Variants in RYR1 observed in about 807,000 individuals in gnomAD.
RYR1 encodes the protein central core disease of muscle.
In RYR1, 342 loss-of-function variants were observed where a neutral mutation model predicts 583.5. The observed-to-expected ratio is 0.59, with a 90% CI of 0.54 to 0.64. The LOEUF (loss-of-function observed/expected upper bound fraction) is 0.64, where lower values mean the gene tolerates loss of function less well. RYR1 is among the 30% of genes least tolerant of loss of function. RYR1 has a pLI of 0.00. For missense variants in RYR1, 6,032 were observed against 6,917.2 expected (o/e 0.87, Z 4.54); for synonymous variants, 2,791 against 2,822.5 (o/e 0.99, Z 0.35).
chr19:38,457,045 C>A (rs1187040889), intron 16 of RYR1, among the ~76,000 whole-genome samples: 3 of 19,588 alleles, frequency 1.5e-4, no homozygotes, highest in South Asian at 5.0e-3. Context: ...GACTCCATCT[C>A]CAAAAAAAAA....
In RYR1 at chr19:38,475,421, GA is replaced by G; in HGVS notation, c.4265del (p.Asp1422AlafsTer15). The G allele has an allele frequency of 6.2e-7, 1 of 1,613,860 alleles. No homozygotes were observed. The highest frequency in any genetic ancestry group is 1.1e-5 in the South Asian group (1 of 91,076). On this transcript the variant is annotated frameshift_variant, in exon 29 of 106. Coordinates refer to ENST00000359596, the MANE Select transcript of RYR1 (RefSeq NM_000540.3). LOFTEE classifies it high-confidence loss of function. Reference protein sequence around the residue: ...HDVVPADNRDDPEIILNTTTY... With the variant: ...HDVVPADNRDXPEIILNTTTY... ...CGTGGTGCCTGCAGACAACCGCGAT[GA>G]CCCCGAGATCATCCTCAACACCACC...
intron 29 of RYR1, 69 bp downstream of exon 29, chr19:38,475,519 T>C: frequency 6.3e-7 from 1 of 1,597,520 alleles, no homozygotes; most frequent in East Asian, 2.2e-5. Context: ...TTTCCAAGTT[T>C]AGTGTGACAG....
In RYR1 at chr19:38,532,532, C is replaced by G. The variant is rs111200476; in HGVS notation, c.11184C>G (p.Ile3728Met). 4 of 1,614,184 alleles carry G rather than the reference C, an allele frequency of 2.5e-6. No individual in the cohort carries two copies. The highest frequency in any genetic ancestry group is 3.4e-6 in the Non-Finnish European group (4 of 1,180,030). Residue 3728 changes from isoleucine (I) to methionine (M), a missense_variant, in exon 77 of 106, where the codon ATC (isoleucine) becomes ATG (methionine). Physicochemically the swap from Ile to Met is conservative, Grantham distance 10 (BLOSUM62 1). Coordinates refer to ENST00000359596, the MANE Select transcript of RYR1 (RefSeq NM_000540.3). The stretch of plus-strand genomic sequence containing the variant: ...ACCTGTACATGGCCTATGCTGATAT[C>G]ATGGCAAAGGTGAGGCCCTACCCCC... ...EDYLYMAYAD[I>M]MAKSCHLEEG...
chr19:38,571,990 C>T (rs1173733431), intron 94 of RYR1, 29 bp from the exon 95 acceptor site: 1 of 1,613,526 alleles, frequency 6.2e-7, no homozygotes, highest in East Asian at 2.2e-5. Flanking sequence ...TGTGGCAGAC[C>T]CACAGATGAA....
chr19:38,501,099 C>A, intron 47 of RYR1, 109 bp downstream of exon 47: 1 of 1,064,442 alleles, frequency 9.4e-7, no homozygotes, highest in Non-Finnish European at 1.4e-6. Flanking sequence ...GGATTGTGGA[C>A]ATATCATAAT....
At chr19:38,539,212 T>G (rs1972099263) in intron 84 of RYR1, among the ~76,000 whole-genome samples, 1 of 151,936 alleles carries the variant, frequency 6.6e-6, no homozygotes, top group East Asian at 1.9e-4. Context: ...ATTAAATACC[T>G]TTGTGCCATG....
Position 38,455,640 on chromosome 19 carries a change from G to A in RYR1, c.1680G>A (p.Leu560=). 4 of 1,613,378 alleles carry A rather than the reference G, an allele frequency of 2.5e-6. No individual in the cohort carries two copies. Among genetic ancestry groups the A allele is most frequent in the Non-Finnish European group, 3.4e-6 (4 of 1,179,364 alleles). ...LDRLEASSGI[L]EVLYCVLIES... is the part of the protein sequence containing the mutation. ...TTCTGGGCACCCTGGCAGGCATCCT[G>A]GAGGTCCTGTACTGTGTCCTCATTG... The change falls in exon 16 of 106, where the codon CTG becomes CTA. Residue 560 remains leucine, a synonymous_variant. Coordinates refer to ENST00000359596, the MANE Select transcript of RYR1 (RefSeq NM_000540.3).
intron 42 of RYR1, 56 bp downstream of exon 42, chr19:38,497,010 G>A (rs926214217): frequency 4.0e-5 from 59 of 1,465,312 alleles, no homozygotes; most frequent in Middle Eastern, 1.9e-4. Flanking sequence ...GCCGCTACCC[G>A]GCTGCTTGGG....
chr19:38,566,683 G>C (rs1973452582), intron 91 of RYR1, among the ~76,000 whole-genome samples: 1 of 152,070 alleles, frequency 6.6e-6, no homozygotes, highest in South Asian at 2.1e-4. Context: ...GCTGCACTTG[G>C]AGTCAGCCCG....
chr19:38,577,797 A>C, intron 97 of RYR1, 121 bp from the exon 98 acceptor site: 1 of 1,388,802 alleles, frequency 7.2e-7, no homozygotes, highest in East Asian at 2.3e-5. Flanking sequence ...CTGTCTCAAA[A>C]AAAAAAATGC....
chr19:38,501,161 C>T (rs942226431), intron 47 of RYR1, among the ~76,000 whole-genome samples, 171 bp downstream of exon 47: 3 of 152,162 alleles, frequency 2.0e-5, no homozygotes, highest in South Asian at 2.1e-4. Context: ...CACTGAATTC[C>T]GATGAAGGGT....
chr19:38,523,564 G>C (rs866843725), intron 69 of RYR1: 7 of 601,566 alleles, frequency 1.2e-5, no homozygotes, highest in Middle Eastern at 4.3e-4. Flanking sequence ...TCCTCCTCCT[G>C]TATCTTCTCC....
At chr19:38,490,375 G>A in intron 36 of RYR1, 99 bp downstream of exon 36, 2 of 1,201,424 alleles carry the variant, frequency 1.7e-6, no homozygotes, top group Non-Finnish European at 2.4e-6. Flanking sequence ...CTAAACCCGT[G>A]CTTGACCCCT....
intron 90 of RYR1, among the ~76,000 whole-genome samples, chr19:38,562,753 A>G (rs1599629413): frequency 6.6e-6 from 1 of 152,062 alleles, no homozygotes. Flanking sequence ...GCCCTTGCAC[A>G]CCTGCCCCGT....
chr19:38,507,180 G>C (rs1404705255), intron 57 of RYR1, among the ~76,000 whole-genome samples: 1 of 150,980 alleles, frequency 6.6e-6, no homozygotes, highest in Non-Finnish European at 1.5e-5. Context: ...CCAGAGAGGA[G>C]AGGAGGAAGA....
At chr19:38,572,849 G>A (rs1316244692) in intron 95 of RYR1, among the ~76,000 whole-genome samples, 1 of 131,910 alleles carries the variant, frequency 7.6e-6, no homozygotes, top group Non-Finnish European at 1.6e-5. Context: ...TGCCAGCCCC[G>A]ACTGCTCTGC....
intron 104 of RYR1, 24 bp downstream of exon 104, chr19:38,586,215 A>T: frequency 6.2e-7 from 1 of 1,604,798 alleles, no homozygotes; most frequent in Non-Finnish European, 8.5e-7. Context: ...CTGGCCAGTC[A>T]GGAGGGTGGG....
chr19:38,580,456 G>A lies in RYR1; in HGVS notation c.14598G>A (p.Lys4866=). ...AFNFFRKFYN[K]SEDEDEPDMK... is the part of the protein sequence containing the mutation. ...ACTTCTTCCGCAAGTTCTACAACAA[G>A]AGCGAGGATGAGGATGAACCTGACA... Residue 4866 remains lysine, a synonymous_variant, in exon 101 of 106, where the codon AAG becomes AAA. Coordinates refer to ENST00000359596, the MANE Select transcript of RYR1 (RefSeq NM_000540.3). 1 of 1,614,180 alleles carries A rather than the reference G, an allele frequency of 6.2e-7. No homozygotes were observed. Among genetic ancestry groups the A allele is most frequent in the Middle Eastern group, 1.6e-4 (1 of 6,062 alleles).
In RYR1 at chr19:38,510,789, G is replaced by A. The variant is rs772116480; in HGVS notation, c.9122+8G>A. ...GAAGGAAATGATCACCAGGTGGGCC[G>A]CCTGTGACCCTGGACCCAGCCCCCT... On this transcript the variant is annotated splice_region_variant and intron_variant, in intron 60 of 105. Coordinates refer to ENST00000359596, the MANE Select transcript of RYR1 (RefSeq NM_000540.3). The A allele has an allele frequency of 1.7e-5, 27 of 1,613,970 alleles. No individual in the cohort carries two copies. The highest frequency in any genetic ancestry group is 6.7e-5 in the East Asian group (3 of 44,902).
Sources: gnomAD v4.1 joint callset for allele counts (sites outside exome capture counted in the v4.1 genomes callset) on GRCh38, gnomAD v4.1.1 for gene constraint, MANE v1.5 for transcripts, NCBI Gene and HGNC (gene_info 2026-07-23, HGNC 2026-07-21) for gene names.